CAMK1D: variants seen among roughly 807,000 people sequenced by gnomAD.
The protein encoded by CAMK1D is calcium/calmodulin dependent protein kinase ID.
Under a neutral mutation model 47.7 loss-of-function variants are expected in CAMK1D, and 9 were observed. The observed-to-expected ratio is 0.19, with a 90% CI of 0.11 to 0.33. The LOEUF (loss-of-function observed/expected upper bound fraction) is 0.33, where lower values mean the gene tolerates loss of function less well. Among genes scored for constraint, CAMK1D ranks in the 10% least tolerant of loss-of-function variants. The probability of loss-of-function intolerance (pLI) is 1.00; values close to 1 mark genes in which losing one functional copy is unlikely to be tolerated. For synonymous variants in CAMK1D, 184 were observed against 184.9 expected, an observed-to-expected ratio of 0.99 and a Z score of 0.04; for missense variants, 291 against 488.7, an observed-to-expected ratio of 0.60 and a Z score of 3.81.
chr10:12,655,368 A>G (rs1263638313), intron 2 of CAMK1D, among the ~76,000 whole-genome samples: 1 of 152,198 alleles, frequency 6.6e-6, no homozygotes, highest in Non-Finnish European at 1.5e-5. Flanking sequence ...CCCATGTTCA[A>G]GCATTGAGGA....
At chr10:12,616,584 C>T (rs1456750949) in intron 2 of CAMK1D, among the ~76,000 whole-genome samples, 2 of 151,350 alleles carry the variant, frequency 1.3e-5, no homozygotes, top group East Asian at 2.0e-4. Context: ...GTGGTGTGAT[C>T]TCGGCTCACT....
intron 6 of CAMK1D, among the ~76,000 whole-genome samples, chr10:12,811,879 C>T (rs1225719475): frequency 1.3e-5 from 2 of 152,236 alleles, no homozygotes; most frequent in Non-Finnish European, 1.5e-5. Flanking sequence ...TCTTGGGGCT[C>T]CGGGATTTCC....
chr10:12,731,935 T>C (rs1056893008), intron 3 of CAMK1D, among the ~76,000 whole-genome samples: 2 of 151,978 alleles, frequency 1.3e-5, no homozygotes, highest in Non-Finnish European at 2.9e-5. Context: ...GAGGACTGAA[T>C]TGGACTCCAT....
At chr10:12,730,778 C>T (rs1834849658) in intron 3 of CAMK1D, among the ~76,000 whole-genome samples, 1 of 152,106 alleles carries the variant, frequency 6.6e-6, no homozygotes, top group Non-Finnish European at 1.5e-5. Context: ...GGGTCCAGCC[C>T]CACTGGTAGC....
chr10:12,677,789 G>A (rs1200415564), intron 3 of CAMK1D, among the ~76,000 whole-genome samples: 2 of 152,024 alleles, frequency 1.3e-5, no homozygotes, highest in Non-Finnish European at 2.9e-5. Flanking sequence ...GGTCTGTGAG[G>A]GATTTAATCC....
rs150609380 is a variant in CAMK1D, at chr10:12,525,962, C to T, written c.93-27263C>T. On this transcript the variant is annotated intron_variant, in intron 1 of 10. Transcript: ENST00000619168. ...AGAGAAGGGGTTTTACCATGTTGGC[C>T]AAGCTGGTCTCAAATTCCTTCCTGA... Among the ~76,000 whole-genome samples the T allele has an allele frequency of 1.5e-3, 221 of 152,240 alleles. 2 individuals carry two copies. The highest frequency in any genetic ancestry group is 4.8e-3 in the African/African-American group (198 of 41,528).
At position 12,481,605 on chromosome 10, in the gene CAMK1D, G is replaced by A. The variant is rs28709336; in HGVS notation, c.93-71620G>A. Among the ~76,000 whole-genome samples the A allele has an allele frequency of 5.9e-3, 895 of 152,186 alleles. 9 individuals carry two copies. The highest frequency in any genetic ancestry group is 0.021 in the African/African-American group (862 of 41,492). On this transcript the variant is annotated intron_variant, in intron 1 of 10. Transcript: ENST00000619168. Reference sequence around the variant, plus strand: ...GTTCACTGCAACCTCCGCCTCCCAGGTTCCAGTGATTCTCCTGCCTCAGCC... The same window carrying A: ...GTTCACTGCAACCTCCGCCTCCCAGATTCCAGTGATTCTCCTGCCTCAGCC...
chr10:12,817,781 C>T (rs1189696375), intron 8 of CAMK1D, among the ~76,000 whole-genome samples: 1 of 152,146 alleles, frequency 6.6e-6, no homozygotes, highest in East Asian at 1.9e-4. Context: ...GCCTCCGCCT[C>T]CTGTATTCAA....
intron 1 of CAMK1D, among the ~76,000 whole-genome samples, chr10:12,528,349 G>A (rs898598618): frequency 6.6e-5 from 10 of 152,230 alleles, no homozygotes; most frequent in African/African-American, 2.2e-4. Flanking sequence ...AGAATGAAGT[G>A]CCTGGTTAGT....
intron 1 of CAMK1D, among the ~76,000 whole-genome samples, chr10:12,356,549 C>T (rs1837522717): frequency 6.6e-6 from 1 of 151,922 alleles, no homozygotes; most frequent in South Asian, 2.1e-4. Context: ...GGTGAAACCT[C>T]GTCTCTACTA....
At chr10:12,585,134 G>A (rs1395738794) in intron 2 of CAMK1D, among the ~76,000 whole-genome samples, 2 of 152,208 alleles carry the variant, frequency 1.3e-5, no homozygotes, top group African/African-American at 4.8e-5. Flanking sequence ...AGCCCTCGCT[G>A]AGAAATTCTT....
At chr10:12,377,732 C>T (rs1036515435) in intron 1 of CAMK1D, among the ~76,000 whole-genome samples, 9 of 152,088 alleles carry the variant, frequency 5.9e-5, no homozygotes, top group African/African-American at 1.4e-4. Context: ...ACCAGGAGAT[C>T]GCACATGGGA....
intron 2 of CAMK1D, among the ~76,000 whole-genome samples, chr10:12,640,712 A>T (rs1839641106): frequency 6.6e-6 from 1 of 152,156 alleles, no homozygotes; most frequent in Admixed American, 6.5e-5. Context: ...AATATTCCTG[A>T]CCGAAGCTGT....
At chr10:12,790,997 C>T (rs1231818091) in intron 5 of CAMK1D, among the ~76,000 whole-genome samples, 161 bp from the exon 6 acceptor site, 2 of 122,644 alleles carry the variant, frequency 1.6e-5, no homozygotes, top group Admixed American at 9.0e-5. Flanking sequence ...CCCTATCTTC[C>T]TTCCTTTAAA....
intron 1 of CAMK1D, among the ~76,000 whole-genome samples, chr10:12,448,573 C>G (rs1036150000): frequency 2.0e-5 from 3 of 152,056 alleles, no homozygotes; most frequent in Non-Finnish European, 4.4e-5. Context: ...CTACGGACTT[C>G]TTGCCTAGGT....
intron 3 of CAMK1D, among the ~76,000 whole-genome samples, chr10:12,672,718 A>G (rs1325102941): frequency 6.6e-6 from 1 of 151,928 alleles, no homozygotes; most frequent in Non-Finnish European, 1.5e-5. Context: ...GGTTAATTTT[A>G]TATATATAGT....
chr10:12,600,629 G>A (rs1049926652), intron 2 of CAMK1D, among the ~76,000 whole-genome samples: 3 of 152,158 alleles, frequency 2.0e-5, no homozygotes, highest in African/African-American at 7.2e-5. Context: ...GATTTTGTTT[G>A]TTTGTTTTGT....
intron 1 of CAMK1D, among the ~76,000 whole-genome samples, chr10:12,403,890 A>G (rs1050489138): frequency 6.6e-6 from 1 of 151,706 alleles, no homozygotes; most frequent in Non-Finnish European, 1.5e-5. Context: ...AGACTCATCC[A>G]TGTCACAGAG....
intron 4 of CAMK1D, among the ~76,000 whole-genome samples, chr10:12,764,261 A>T (rs981786253): frequency 2.6e-5 from 4 of 151,644 alleles, no homozygotes; most frequent in African/African-American, 9.7e-5. Context: ...GGTGCCTGTA[A>T]TCCCAGCTAC....
Sources: gnomAD v4.1 joint callset for allele counts (sites outside exome capture counted in the v4.1 genomes callset) on GRCh38, gnomAD v4.1.1 for gene constraint, MANE v1.5 for transcripts, NCBI Gene and HGNC (gene_info 2026-07-23, HGNC 2026-07-21) for gene names.